CTNNA2: variants seen among roughly 807,000 people sequenced by gnomAD.
CTNNA2 encodes the protein catenin alpha-2.
CTNNA2 carries 42 observed loss-of-function variants against 101.0 expected under a neutral mutation model. The observed-to-expected ratio is 0.42, with a 90% CI of 0.32 to 0.54. CTNNA2 has a LOEUF of 0.54. Among genes scored for constraint, CTNNA2 ranks in the 20% least tolerant of loss-of-function variants. The pLI is 0.14. For synonymous variants in CTNNA2, 450 were observed against 456.4 expected, an observed-to-expected ratio of 0.99 and a Z score of 0.18; for missense variants, 871 against 1,223.1, an observed-to-expected ratio of 0.71 and a Z score of 4.29.
At chr2:79,329,351 T>A (rs1488166148) in intron 3 of CTNNA2, among the ~76,000 whole-genome samples, 3 of 152,182 alleles carry the variant, frequency 2.0e-5, no homozygotes, top group African/African-American at 7.2e-5. Flanking sequence ...ACCTGCCAGC[T>A]GTAAATAACT....
At chr2:79,414,268 T>C (rs529603158) in intron 4 of CTNNA2, among the ~76,000 whole-genome samples, 85 of 152,070 alleles carry the variant, frequency 5.6e-4, no homozygotes, top group African/African-American at 2.0e-3. Flanking sequence ...TTACGACTAA[T>C]AAATTCTACA....
At chr2:80,109,365 G>A (rs1701074475) in intron 7 of CTNNA2, among the ~76,000 whole-genome samples, 1 of 152,168 alleles carries the variant, frequency 6.6e-6, no homozygotes, top group African/African-American at 2.4e-5. Flanking sequence ...GGAGGCTGAG[G>A]CAGGAGAATT....
chr2:79,697,253 T>C (rs1172021699), intron 2 of CTNNA2, among the ~76,000 whole-genome samples: 1 of 152,032 alleles, frequency 6.6e-6, no homozygotes, highest in Non-Finnish European at 1.5e-5. Context: ...TTATGCAATG[T>C]CACTCCTGAC....
intron 6 of CTNNA2, among the ~76,000 whole-genome samples, chr2:79,879,958 T>C (rs889865402): frequency 2.0e-5 from 3 of 152,206 alleles, no homozygotes; most frequent in Non-Finnish European, 4.4e-5. Context: ...TGTGGGTTTG[T>C]CATGAATAAC....
At chr2:80,542,259 A>ATATG (rs141143604) in intron 9 of CTNNA2, among the ~76,000 whole-genome samples, 1 of 151,386 alleles carries the variant, frequency 6.6e-6, no homozygotes, top group African/African-American at 2.4e-5. Flanking sequence ...ATGTGTATAT[A>ATATG]TATATTATAG....
At chr2:79,848,590 G>A (rs997446815) in intron 3 of CTNNA2, among the ~76,000 whole-genome samples, 4 of 152,060 alleles carry the variant, frequency 2.6e-5, no homozygotes, top group East Asian at 1.9e-4. Context: ...AAATCCATAC[G>A]GTTAATGATC....
intron 1 of CTNNA2, among the ~76,000 whole-genome samples, chr2:79,532,069 C>T (rs1263739770): frequency 6.6e-6 from 1 of 152,114 alleles, no homozygotes; most frequent in Non-Finnish European, 1.5e-5. Flanking sequence ...GTTACAGACG[C>T]TGGTTTGGTA....
chr2:79,811,914 G>T (rs1677069598), intron 3 of CTNNA2, among the ~76,000 whole-genome samples: 1 of 152,074 alleles, frequency 6.6e-6, no homozygotes, highest in Non-Finnish European at 1.5e-5. Flanking sequence ...CAGCTTTGAA[G>T]TTTTCAACAT....
chr2:80,618,467 T>TA (rs1183634446), intron 17 of CTNNA2, among the ~76,000 whole-genome samples: 1 of 151,936 alleles, frequency 6.6e-6, no homozygotes, highest in African/African-American at 2.4e-5. Context: ...TATTGGCTTA[T>TA]CCTTTAAATT....
chr2:80,489,277 C>T (rs1347238467), intron 9 of CTNNA2, among the ~76,000 whole-genome samples: 5 of 151,940 alleles, frequency 3.3e-5, no homozygotes, highest in Non-Finnish European at 7.4e-5. Flanking sequence ...GGGATATAAT[C>T]CAGGGGGTTT....
At chr2:80,010,727 T>C (rs74612916) in intron 7 of CTNNA2, among the ~76,000 whole-genome samples, 1 of 149,518 alleles carries the variant, frequency 6.7e-6, no homozygotes. Flanking sequence ...TTTTTTTTTT[T>C]CCACAATCAC....
chr2:79,975,528 A>G (rs530373080), intron 7 of CTNNA2, among the ~76,000 whole-genome samples: 1 of 152,230 alleles, frequency 6.6e-6, no homozygotes, highest in South Asian at 2.1e-4. Context: ...GCTCAGTCCC[A>G]TGAGGCTGTC....
intron 15 of CTNNA2, among the ~76,000 whole-genome samples, chr2:80,600,816 A>G (rs1573417566): frequency 6.6e-6 from 1 of 152,064 alleles, no homozygotes. Flanking sequence ...CAAGTGATCT[A>G]CCAGCCTCTG....
chr2:79,277,255 T>C (rs1675236824), intron 2 of CTNNA2, among the ~76,000 whole-genome samples: 1 of 152,256 alleles, frequency 6.6e-6, no homozygotes, highest in African/African-American at 2.4e-5. Context: ...TTCTTTTTTT[T>C]ATTAAAAGCT....
intron 6 of CTNNA2, among the ~76,000 whole-genome samples, chr2:79,881,700 CTTT>C (rs1683439808): frequency 1.3e-5 from 2 of 151,372 alleles, no homozygotes; most frequent in Non-Finnish European, 2.9e-5. Flanking sequence ...CTATGTGTGT[CTTT>C]GCATGCGAGA....
chr2:79,447,311 G>A (rs767286758), intron 4 of CTNNA2, among the ~76,000 whole-genome samples: 33 of 151,794 alleles, frequency 2.2e-4, no homozygotes, highest in Non-Finnish European at 3.7e-4. Flanking sequence ...CTGAAAGGAC[G>A]TTAGCCTTAT....
chr2:79,740,479 C>A (rs1372223552), intron 2 of CTNNA2, among the ~76,000 whole-genome samples: 1 of 152,026 alleles, frequency 6.6e-6, no homozygotes, highest in Non-Finnish European at 1.5e-5. Context: ...ACACAAAAAG[C>A]CCTAATATGC....
chr2:79,222,968 A>G (rs1674363935), intron 2 of CTNNA2, among the ~76,000 whole-genome samples: 1 of 151,738 alleles, frequency 6.6e-6, no homozygotes, highest in African/African-American at 2.4e-5. Context: ...AAACATAGAG[A>G]TACCCTGTCT....
intron 2 of CTNNA2, among the ~76,000 whole-genome samples, chr2:79,735,450 C>G (rs546218599): frequency 6.6e-6 from 1 of 152,078 alleles, no homozygotes; most frequent in Non-Finnish European, 1.5e-5. Context: ...GCCACAGAAA[C>G]TTTAGCCTAG....
Sources: allele counts gnomAD v4.1 joint callset (sites outside exome capture counted in the v4.1 genomes callset), GRCh38; gene constraint gnomAD v4.1.1; transcripts MANE v1.5; gene names NCBI Gene and HGNC (gene_info 2026-07-23, HGNC 2026-07-21).